TSPAN15: variants seen among roughly 807,000 people sequenced by gnomAD.
TSPAN15 encodes the protein tetraspanin 15.
In TSPAN15, 20 loss-of-function variants were observed where a neutral mutation model predicts 34.5. The observed-to-expected ratio is 0.58, with a 90% confidence interval of 0.41 to 0.84. TSPAN15 has a LOEUF of 0.84. TSPAN15 is among the 40% of genes least tolerant of loss of function. The pLI, the probability that TSPAN15 is intolerant of heterozygous loss-of-function variation, is 0.00. For missense variants in TSPAN15, 313 were observed against 386.1 expected (o/e 0.81, Z 1.59); for synonymous variants, 155 against 153.9 (o/e 1.01, Z -0.05).
chr10:69,501,264 A>T (rs779593091), intron 5 of TSPAN15, among the ~76,000 whole-genome samples: 2 of 152,170 alleles, frequency 1.3e-5, no homozygotes, highest in Non-Finnish European at 2.9e-5. Context: ...CAAGGGGTGT[A>T]AACACGGACA....
chr10:69,459,803 A>T (rs963647972), intron 1 of TSPAN15, among the ~76,000 whole-genome samples: 5 of 124,764 alleles, frequency 4.0e-5, no homozygotes, highest in African/African-American at 1.4e-4. Flanking sequence ...AGCCTCCGAG[A>T]TGCCTCCTCT....
At chr10:69,516,207 A>G in the TSPAN15 span, among the ~76,000 whole-genome samples, 1 of 152,316 alleles carries the variant, frequency 6.6e-6, no homozygotes, top group East Asian at 1.9e-4. Flanking sequence ...TAGTCATCAC[A>G]GCAAAAAGGC....
the TSPAN15 span, among the ~76,000 whole-genome samples, chr10:69,519,314 G>C: frequency 1.3e-5 from 2 of 152,146 alleles, no homozygotes; most frequent in African/African-American, 4.8e-5. Flanking sequence ...CATGTTCTTG[G>C]GAGGTTGAGG....
At chr10:69,491,737 C>T (rs986108392) in intron 3 of TSPAN15, among the ~76,000 whole-genome samples, 1 of 152,194 alleles carries the variant, frequency 6.6e-6, no homozygotes, top group Non-Finnish European at 1.5e-5. Flanking sequence ...CTCAGGCTTA[C>T]ATGGAAGTGG....
At position 69,507,318 on chromosome 10, in the gene TSPAN15, G is replaced by C; in HGVS notation, c.*340G>C. On this transcript the variant is annotated 3_prime_UTR_variant, in exon 8 of 8. Transcript: ENST00000373290. ...CATCTCTGGCAGTGCCTTGGCGGTG[G>C]TATTCAAGGCAGTTTTGTAGCACCT... 8.1e-7 allele frequency: 1 copy of C among 1,239,966 alleles called. No individual in the cohort carries two copies. The highest frequency in any genetic ancestry group is 1.0e-6 in the Non-Finnish European group (1 of 977,728). The allele number at this position is 1,239,966 out of a possible 1,614,324, so 76.8% of individuals were successfully genotyped here.
At chr10:69,541,135 C>T in the TSPAN15 span, among the ~76,000 whole-genome samples, 2 of 152,142 alleles carry the variant, frequency 1.3e-5, no homozygotes, top group African/African-American at 2.4e-5. Context: ...TTGTAAATAT[C>T]AGGACATTGC....
At chr10:69,491,843 G>C (rs1324750047) in intron 3 of TSPAN15, among the ~76,000 whole-genome samples, 1 of 152,166 alleles carries the variant, frequency 6.6e-6, no homozygotes, top group Non-Finnish European at 1.5e-5. Flanking sequence ...GGAAGCTTTA[G>C]CGGCCGCCCC....
At chr10:69,518,826 T>A in the TSPAN15 span, among the ~76,000 whole-genome samples, 1 of 152,168 alleles carries the variant, frequency 6.6e-6, no homozygotes, top group Non-Finnish European at 1.5e-5. Context: ...AGAAACATGG[T>A]ATCTATGAGT....
chr10:69,476,796 T>A (rs1841623418), intron 1 of TSPAN15, among the ~76,000 whole-genome samples: 1 of 152,018 alleles, frequency 6.6e-6, no homozygotes, highest in South Asian at 2.1e-4. Flanking sequence ...TGGCTTTGAT[T>A]TGGGGTTGTG....
At chr10:69,523,193 G>T in the TSPAN15 span, 1 of 252,090 alleles carries the variant, frequency 4.0e-6, no homozygotes, top group East Asian at 1.6e-4. Flanking sequence ...CCTTTGAATG[G>T]TCTGGGCACC....
the TSPAN15 span, among the ~76,000 whole-genome samples, chr10:69,535,803 G>C: frequency 6.6e-6 from 1 of 152,236 alleles, no homozygotes; most frequent in African/African-American, 2.4e-5. Context: ...ACCCAGTCCA[G>C]AGTGAGACTT....
At chr10:69,500,550 C>T (rs1178256120) in intron 5 of TSPAN15, among the ~76,000 whole-genome samples, 2 of 152,106 alleles carry the variant, frequency 1.3e-5, no homozygotes, top group Non-Finnish European at 2.9e-5. Flanking sequence ...CATTCAAAGG[C>T]TGGTCAGGCT....
chr10:69,539,533 A>AAGG, the TSPAN15 span, among the ~76,000 whole-genome samples: 231 of 48,052 alleles, frequency 4.8e-3, 1 homozygote, highest in Non-Finnish European at 7.2e-3. Context: ...GAAGAAGAAG[A>AAGG]AGAAGGAGAA....
intron 3 of TSPAN15, among the ~76,000 whole-genome samples, chr10:69,494,090 G>C (rs1400041720): frequency 6.6e-6 from 1 of 152,152 alleles, no homozygotes; most frequent in African/African-American, 2.4e-5. Flanking sequence ...TGACACCCTG[G>C]TCCCAGCGTC....
the TSPAN15 span, among the ~76,000 whole-genome samples, chr10:69,544,390 A>AG: frequency 1.3e-5 from 2 of 152,262 alleles, no homozygotes; most frequent in East Asian, 3.9e-4. Context: ...TCTGGGGTGG[A>AG]GGGTGGGAGT....
chr10:69,487,396 T>G (rs781556998), intron 3 of TSPAN15, among the ~76,000 whole-genome samples: 1 of 148,928 alleles, frequency 6.7e-6, no homozygotes, highest in Middle Eastern at 3.4e-3. Flanking sequence ...CTCTTTTCTA[T>G]TTGTCAGAGC....
At chr10:69,455,631 C>T (rs1015452846) in intron 1 of TSPAN15, among the ~76,000 whole-genome samples, 1 of 111,434 alleles carries the variant, frequency 9.0e-6, no homozygotes, top group African/African-American at 3.4e-5. Context: ...TCTCTCCCCC[C>T]CCCGTCTCTT....
intron 3 of TSPAN15, 100 bp downstream of exon 3, chr10:69,485,315 C>A (rs1001054880): frequency 3.1e-6 from 3 of 955,802 alleles, no homozygotes; most frequent in African/African-American, 3.2e-5. Context: ...GGCAGATAAC[C>A]CCCATGGAGC....
At position 69,485,092 on chromosome 10, in the gene TSPAN15, A is replaced by C. The variant is rs756351003; in HGVS notation, c.283-49A>C. The C allele has an allele frequency of 2.5e-6, 4 of 1,569,332 alleles. No individual in the cohort carries two copies. The South Asian group carries it at 3.3e-5, about 13-fold the overall frequency. ...AGATGGTGCCTCCCCTGTACCCCAC[A>C]CACGCCCACTGCTCCTCTCCAGGTG... On this transcript the variant is annotated intron_variant, in intron 2 of 7. Transcript: ENST00000373290.
Sources: allele counts gnomAD v4.1 joint callset (sites outside exome capture counted in the v4.1 genomes callset), GRCh38; gene constraint gnomAD v4.1.1; transcripts MANE v1.5; gene names NCBI Gene and HGNC (gene_info 2026-07-23, HGNC 2026-07-21).